Variants in CACNB4 observed in about 807,000 individuals in gnomAD.
The protein encoded by CACNB4 is voltage-dependent L-type calcium channel subunit beta-4.
Under a neutral mutation model 71.2 loss-of-function variants are expected in CACNB4, and 32 were observed. That is an observed-to-expected ratio of 0.45 (90% CI 0.34 to 0.60). The LOEUF is 0.60. CACNB4 is among the 20% of genes least tolerant of loss of function. The probability of loss-of-function intolerance (pLI) is 0.01; values close to 1 mark genes in which losing one functional copy is unlikely to be tolerated. For synonymous variants in CACNB4, 231 were observed against 236.9 expected, an observed-to-expected ratio of 0.97 and a Z score of 0.23; for missense variants, 464 against 647.9, an observed-to-expected ratio of 0.72 and a Z score of 3.08.
intron 2 of CACNB4, among the ~76,000 whole-genome samples, chr2:151,995,236 C>T (rs1681975839): frequency 7.1e-6 from 1 of 139,998 alleles, no homozygotes; most frequent in Admixed American, 7.8e-5. Context: ...CTTTATATGA[C>T]AAAAATAAAA....
intron 2 of CACNB4, among the ~76,000 whole-genome samples, chr2:151,964,082 A>AT: frequency 1.3e-5 from 2 of 151,494 alleles, no homozygotes; most frequent in African/African-American, 4.9e-5. Context: ...AAAAAAAAAA[A>AT]AAAAAAAAGA....
chr2:151,860,718 G>T lies in CACNB4; in HGVS notation c.861C>A (p.Ser287=), dbSNP rs906508658. 4 of 1,607,738 alleles carry T rather than the reference G, an allele frequency of 2.5e-6. No individual in the cohort carries two copies. Among genetic ancestry groups the T allele is most frequent in the Non-Finnish European group, 3.4e-6 (4 of 1,174,200 alleles). ...RAIIERSNTR[S]SLAEVQSEIE... ...CACATTTGAACATCTTACCTAAGCTGGACCGGGTGTTCGAACGTTCAATTA... is the reference window on the plus strand; with the variant it reads ...CACATTTGAACATCTTACCTAAGCTTGACCGGGTGTTCGAACGTTCAATTA... Residue 287 remains serine, a synonymous_variant, in exon 10 of 14, where the codon TCC becomes TCA. Coordinates refer to ENST00000539935, the MANE Select transcript of CACNB4 (RefSeq NM_000726.5).
chr2:151,870,149 G>A, intron 8 of CACNB4: 3 of 633,672 alleles, frequency 4.7e-6, no homozygotes, highest in South Asian at 3.7e-5. Flanking sequence ...TAAAGGTTTG[G>A]GTTTGCTGGA....
intron 2 of CACNB4, among the ~76,000 whole-genome samples, chr2:151,901,432 T>C (rs960047018): frequency 2.6e-5 from 4 of 152,110 alleles, no homozygotes; most frequent in African/African-American, 9.7e-5. Context: ...TTAAATATAT[T>C]GAGTTATTTA....
rs145976742 is a variant in CACNB4 at position 151,920,861 on chromosome 2, A to G, written c.148-37491T>C. 3.1e-3 allele frequency among the ~76,000 whole-genome samples: 474 copies of G among 152,258 alleles called. 2 individuals are homozygous for G. The highest frequency in any genetic ancestry group is 5.0e-3 in the Admixed American group (77 of 15,296). ...GCCATCTTAAAACTTACTTGAGGCCAGGCACGGTGACTCACGCCTGTAATC... is the reference window on the plus strand; with the variant it reads ...GCCATCTTAAAACTTACTTGAGGCCGGGCACGGTGACTCACGCCTGTAATC... On this transcript the variant is annotated intron_variant, in intron 2 of 13. Coordinates refer to ENST00000539935, the MANE Select transcript of CACNB4 (RefSeq NM_000726.5).
chr2:151,874,192 G>C (rs557263104), intron 5 of CACNB4: 3 of 152,186 alleles, frequency 2.0e-5, no homozygotes, highest in African/African-American at 7.2e-5. Context: ...AGAACAGGCC[G>C]GGCACAGTGG....
At chr2:151,843,677 CT>C (rs2099836823) in intron 12 of CACNB4, among the ~76,000 whole-genome samples, 2 of 152,146 alleles carry the variant, frequency 1.3e-5, no homozygotes, top group African/African-American at 4.8e-5. Context: ...CTTTTATGAA[CT>C]CATTTTACCA....
At chr2:152,060,735 G>T (rs568179543) in intron 2 of CACNB4, among the ~76,000 whole-genome samples, 2 of 151,612 alleles carry the variant, frequency 1.3e-5, no homozygotes, top group African/African-American at 2.4e-5. Flanking sequence ...ATACATCACG[G>T]TACATCTACA....
chr2:151,991,720 T>G (rs1354430947), intron 2 of CACNB4, among the ~76,000 whole-genome samples: 1 of 152,200 alleles, frequency 6.6e-6, no homozygotes, highest in Non-Finnish European at 1.5e-5. Flanking sequence ...CTTCCATTTT[T>G]TAAAAAAATC....
chr2:151,869,176 C>A lies in CACNB4; in HGVS notation c.758+1G>T. 1 of 1,528,324 alleles carries A rather than the reference C, an allele frequency of 6.5e-7. No homozygotes were observed. Among genetic ancestry groups the A allele is most frequent in the Non-Finnish European group, 8.9e-7 (1 of 1,118,404 alleles). The allele number at this position is 1,528,324 out of a possible 1,614,324, so 94.7% of individuals were successfully genotyped here. On this transcript the variant is annotated splice_donor_variant, in intron 9 of 13. Coordinates refer to ENST00000539935, the MANE Select transcript of CACNB4 (RefSeq NM_000726.5). LOFTEE classifies it high-confidence loss of function. ...AATACAAAAACATCTATATTTCTCA[C>A]CTCCCATCAAACCTGTGCTTCAGGA...
chr2:151,982,985 C>T (rs1006864590), intron 2 of CACNB4, among the ~76,000 whole-genome samples: 2 of 152,196 alleles, frequency 1.3e-5, no homozygotes, highest in Admixed American at 6.5e-5. Flanking sequence ...TTCTAATTCT[C>T]CTTTCATGAA....
chr2:151,989,185 C>T (rs1028958337), intron 2 of CACNB4, among the ~76,000 whole-genome samples: 8 of 152,186 alleles, frequency 5.3e-5, no homozygotes, highest in Admixed American at 1.3e-4. Flanking sequence ...CTTCAACCCA[C>T]ACCTCTCTTT....
chr2:151,999,671 G>A lies in CACNB4; in HGVS notation c.147+98659C>T, dbSNP rs960183201. Among the ~76,000 whole-genome samples the A allele has an allele frequency of 1.3e-4, 20 of 152,288 alleles. No homozygotes were observed. The South Asian group carries it at 4.1e-3, about 32-fold the overall frequency. On this transcript the variant is annotated intron_variant, in intron 2 of 13. Coordinates refer to ENST00000539935, the MANE Select transcript of CACNB4 (RefSeq NM_000726.5). ...CTTCTTGGTATAATTAAGGCAGCTT[G>A]TAGAGTAAAAATAAATCATTAGCAG...
intron 4 of CACNB4, among the ~76,000 whole-genome samples, chr2:151,879,237 T>C (rs2099847227): frequency 6.6e-6 from 1 of 152,228 alleles, no homozygotes. Context: ...CAAATGACTT[T>C]AAAGGGCTTG....
At chr2:151,967,747 A>C (rs1480001001) in intron 2 of CACNB4, 1 of 152,038 alleles carries the variant, frequency 6.6e-6, no homozygotes, top group Non-Finnish European at 1.5e-5. Flanking sequence ...GTCTGAGTGG[A>C]TACCTTGGAT....
At chr2:151,916,145 G>GT (rs1173832636) in intron 2 of CACNB4, among the ~76,000 whole-genome samples, 1 of 152,100 alleles carries the variant, frequency 6.6e-6, no homozygotes, top group African/African-American at 2.4e-5. Context: ...CTTATTATGG[G>GT]TTTTTTCCAT....
At chr2:151,922,551 G>C (rs1347605304) in intron 2 of CACNB4, among the ~76,000 whole-genome samples, 1 of 152,214 alleles carries the variant, frequency 6.6e-6, no homozygotes, top group Non-Finnish European at 1.5e-5. Flanking sequence ...CATATTCACA[G>C]ATTCCAGGGA....
chr2:152,061,966 C>A (rs936412202), intron 2 of CACNB4, among the ~76,000 whole-genome samples: 1 of 150,908 alleles, frequency 6.6e-6, no homozygotes, highest in Non-Finnish European at 1.5e-5. Flanking sequence ...GAGCGGAGAT[C>A]GCGCCACTGT....
intron 2 of CACNB4, among the ~76,000 whole-genome samples, chr2:152,079,510 G>A (rs1193106454): frequency 6.6e-6 from 1 of 152,222 alleles, no homozygotes; most frequent in Non-Finnish European, 1.5e-5. Context: ...GCTTGGCTGG[G>A]CATGGTGGCA....
Sources: gnomAD v4.1 joint callset for allele counts (sites outside exome capture counted in the v4.1 genomes callset) on GRCh38, gnomAD v4.1.1 for gene constraint, MANE v1.5 for transcripts, NCBI Gene and HGNC (gene_info 2026-07-23, HGNC 2026-07-21) for gene names.